EYA2: variants seen among roughly 807,000 people sequenced by gnomAD.
EYA2 encodes the protein protein phosphatase EYA2.
In EYA2, 31 loss-of-function variants were observed where a neutral mutation model predicts 69.2. That is an observed-to-expected ratio of 0.45 (90% confidence interval 0.34 to 0.60). The LOEUF (loss-of-function observed/expected upper bound fraction) is 0.60, where lower values mean the gene tolerates loss of function less well. Among genes scored for constraint, EYA2 ranks in the 20% least tolerant of loss-of-function variants. The probability of loss-of-function intolerance (pLI) is 0.02; values close to 1 mark genes in which losing one functional copy is unlikely to be tolerated. For synonymous variants in EYA2, 257 were observed against 279.4 expected (o/e 0.92, Z 0.80); for missense variants, 622 against 701.2 (o/e 0.89, Z 1.28).
rs33977530 is a variant in EYA2 at position 46,944,573 on chromosome 20, A to AG, written c.-10-45427dup. ...CCTCAGCACCTTCCTCTCCAAAATG[A>AG]GAAAAACAGCACCCGCTCCATAGTG... On this transcript the variant is annotated intron_variant, in intron 1 of 15. Coordinates refer to ENST00000327619, the MANE Select transcript of EYA2 (RefSeq NM_005244.5). 7.6e-4 allele frequency among the ~76,000 whole-genome samples: 115 copies of AG among 151,858 alleles called. 1 individual carries two copies. In the South Asian group the frequency reaches 0.016, roughly 21 times the overall value.
intron 9 of EYA2, among the ~76,000 whole-genome samples, chr20:47,114,987 A>C (rs1325838450): frequency 6.6e-6 from 1 of 152,268 alleles, no homozygotes; most frequent in East Asian, 1.9e-4. Context: ...TACAGCCTGC[A>C]GAACTGTGAG....
At chr20:47,103,304 TC>T (rs140862320) in intron 9 of EYA2, among the ~76,000 whole-genome samples, 21,722 of 152,148 alleles carry the variant, frequency 0.14, 1,908 homozygotes, top group South Asian at 0.19. Flanking sequence ...TAATCTACTT[TC>T]TTTCTCTACA....
rs886155632 is a variant in EYA2, at chr20:47,105,340, A to G, written c.888+8172A>G. ...GGCTCCTTTATTCACGAATCTGCCC[A>G]GTGGCTGGGCGTGGTGGCCCATGCC... On this transcript the variant is annotated intron_variant, in intron 9 of 15. Transcript: ENST00000327619. Among the ~76,000 whole-genome samples the G allele has an allele frequency of 3.3e-5, 5 of 152,162 alleles. 1 individual carries two copies. The highest frequency in any genetic ancestry group is 4.4e-5 in the Non-Finnish European group (3 of 68,028).
chr20:47,095,052 G>A (rs1486507483), intron 8 of EYA2, among the ~76,000 whole-genome samples: 1 of 151,998 alleles, frequency 6.6e-6, no homozygotes, highest in Non-Finnish European at 1.5e-5. Context: ...AAAGGCCAAG[G>A]TAAATAAATG....
intron 9 of EYA2, among the ~76,000 whole-genome samples, chr20:47,100,477 A>G (rs180969657): frequency 1.6e-4 from 24 of 152,328 alleles, no homozygotes; most frequent in African/African-American, 5.8e-4. Context: ...TTCAACATCC[A>G]TCCTAGAATT....
At chr20:47,060,851 C>CTT (rs35809050) in intron 5 of EYA2, among the ~76,000 whole-genome samples, 17 of 125,654 alleles carry the variant, frequency 1.4e-4, no homozygotes, top group South Asian at 2.6e-4. Context: ...CTCTCTCTCT[C>CTT]TTTTTTTTTT....
intron 5 of EYA2, among the ~76,000 whole-genome samples, chr20:47,048,752 T>G (rs1251002650): frequency 1.3e-5 from 2 of 151,996 alleles, no homozygotes; most frequent in Non-Finnish European, 2.9e-5. Flanking sequence ...AAATAAATAA[T>G]AAAATACTGT....
At chr20:47,164,985 A>G (rs2034152473) in intron 10 of EYA2, among the ~76,000 whole-genome samples, 2 of 152,178 alleles carry the variant, frequency 1.3e-5, no homozygotes, top group African/African-American at 4.8e-5. Flanking sequence ...ACCCCTCTAG[A>G]GCAGCGCTGT....
intron 10 of EYA2, among the ~76,000 whole-genome samples, chr20:47,151,668 G>T (rs369345188): frequency 4.6e-5 from 7 of 151,900 alleles, no homozygotes; most frequent in Admixed American, 4.6e-4. Flanking sequence ...AGTCTTACCC[G>T]ATTCCCCTCA....
intron 7 of EYA2, among the ~76,000 whole-genome samples, chr20:47,079,931 T>C (rs1171458964): frequency 2.6e-5 from 4 of 152,230 alleles, no homozygotes; most frequent in Non-Finnish European, 5.9e-5. Context: ...GAACTGTTAA[T>C]AGTCATTTTC....
intron 5 of EYA2, among the ~76,000 whole-genome samples, chr20:47,020,512 C>T (rs939450736): frequency 1.9e-4 from 29 of 151,770 alleles, no homozygotes; most frequent in African/African-American, 7.0e-4. Context: ...AAGTGTGTTT[C>T]TTATGGGTTT....
chr20:46,985,198 T>C (rs1236772385), intron 1 of EYA2, among the ~76,000 whole-genome samples: 1 of 152,200 alleles, frequency 6.6e-6, no homozygotes, highest in Non-Finnish European at 1.5e-5. Context: ...TAAGATTTCC[T>C]TCCTCCCTGT....
At chr20:47,113,467 G>C (rs1180659644) in intron 9 of EYA2, among the ~76,000 whole-genome samples, 2 of 152,208 alleles carry the variant, frequency 1.3e-5, no homozygotes, top group Admixed American at 1.3e-4. Flanking sequence ...GCCACCTGCA[G>C]TGGGGGCAGG....
At position 47,016,109 on chromosome 20, in the gene EYA2, C is replaced by G. The variant is rs1041961029; in HGVS notation, c.299-72C>G. 9 of 1,144,782 alleles carry G rather than the reference C, an allele frequency of 7.9e-6. No individual in the cohort carries two copies. The Admixed American group carries it at 1.5e-4, about 19-fold the overall frequency. 70.9% of individuals were successfully genotyped at this position (1,144,782 alleles called of 1,614,324 possible). A position where few individuals can be genotyped will look rare whatever the true frequency, so the allele number is the denominator to read the frequency against. ...TGCATGCTGTCTTGACCCAGTAGCT[C>G]TTTTGTGGGTGACAAGGACGCATCC... On this transcript the variant is annotated intron_variant, in intron 4 of 15. Transcript: ENST00000327619.
chr20:47,062,297 G>T (rs899620158), intron 5 of EYA2, among the ~76,000 whole-genome samples: 3 of 152,170 alleles, frequency 2.0e-5, no homozygotes, highest in African/African-American at 7.2e-5. Context: ...TATCCATCTA[G>T]ATATGATTTT....
At chr20:46,927,843 A>G (rs1985483434) in intron 1 of EYA2, among the ~76,000 whole-genome samples, 1 of 152,220 alleles carries the variant, frequency 6.6e-6, no homozygotes, top group Admixed American at 6.5e-5. Context: ...TTTGTCACCT[A>G]TAAAATACGA....
chr20:47,046,958 T>C (rs2030070126), intron 5 of EYA2, among the ~76,000 whole-genome samples: 1 of 152,298 alleles, frequency 6.6e-6, no homozygotes, highest in Admixed American at 6.5e-5. Flanking sequence ...ATTTTTAAGA[T>C]TGTCAGGCTG....
chr20:47,119,930 G>T (rs1034693989), intron 9 of EYA2, among the ~76,000 whole-genome samples: 1 of 152,002 alleles, frequency 6.6e-6, no homozygotes, highest in South Asian at 2.1e-4. Context: ...AAAATAGGCC[G>T]GGCACAGTGG....
At chr20:46,979,160 T>A (rs1308062565) in intron 1 of EYA2, among the ~76,000 whole-genome samples, 4 of 152,220 alleles carry the variant, frequency 2.6e-5, no homozygotes, top group African/African-American at 9.6e-5. Flanking sequence ...GCTGGTGTAC[T>A]CACGGGGGTG....
Sources: allele counts gnomAD v4.1 joint callset (sites outside exome capture counted in the v4.1 genomes callset), GRCh38; gene constraint gnomAD v4.1.1; transcripts MANE v1.5; gene names NCBI Gene and HGNC (gene_info 2026-07-23, HGNC 2026-07-21).